Variants in POR observed in about 807,000 individuals in gnomAD.
The protein encoded by POR is NADPH--cytochrome P450 reductase.
POR carries 56 observed loss-of-function variants against 84.0 expected under a neutral mutation model. The observed-to-expected ratio is 0.67, with a 90% CI of 0.54 to 0.83. The LOEUF (loss-of-function observed/expected upper bound fraction) is 0.83. Among genes scored for constraint, POR ranks in the 40% least tolerant of loss-of-function variants. The pLI, the probability that POR is intolerant of heterozygous loss-of-function variation, is 0.00. For missense variants in POR, 938 were observed against 944.3 expected (o/e 0.99, Z 0.09); for synonymous variants, 414 against 400.5 (o/e 1.03, Z -0.40).
At chr7:75,977,759 C>G (rs782756430) in intron 3 of POR, among the ~76,000 whole-genome samples, 17 of 152,114 alleles carry the variant, frequency 1.1e-4, no homozygotes, top group Non-Finnish European at 2.1e-4. Flanking sequence ...ATCTGGGCGT[C>G]AGAGCGAGAC....
At position 75,980,466 on chromosome 7, in the gene POR, A is replaced by C. The variant is rs782085832; in HGVS notation, c.494A>C (p.Asp165Ala). The stretch of plus-strand genomic sequence containing the variant: ...GACTGGCTGCAGGAGACAGACGTGG[A>C]TCTCTCTGGGGTCAAGTTCGCGGTG... The change falls in exon 5 of 16, where the codon GAT becomes GCT. Residue 165 changes from aspartate to alanine, a missense_variant. Coordinates refer to ENST00000461988, the MANE Select transcript of POR (RefSeq NM_000941.3). 3.1e-6 allele frequency: 5 copies of C among 1,612,902 alleles called. No individual in the cohort carries two copies. In the Admixed American group the frequency reaches 8.3e-5, roughly 27 times the overall value.
intron 2 of POR, chr7:75,970,853 C>T (rs1554556014): frequency 6.6e-6 from 1 of 151,904 alleles, no homozygotes; most frequent in Admixed American, 6.6e-5. Context: ...CTTACATTCT[C>T]GATCAAAGTC....
intron 1 of POR, among the ~76,000 whole-genome samples, chr7:75,927,285 G>A (rs1220356757): frequency 6.6e-6 from 1 of 152,054 alleles, no homozygotes; most frequent in Non-Finnish European, 1.5e-5. Context: ...GTGGGCTAAT[G>A]GCTTGAGCCC....
Position 75,986,153 on chromosome 7 carries a change from C to A in POR, c.1816-6C>A. 6.2e-7 allele frequency: 1 copy of A among 1,608,014 alleles called. No homozygotes were observed. The highest frequency in any genetic ancestry group is 1.1e-5 in the South Asian group (1 of 90,290). ...GCCCCCCTCACAGCACCACCCTTGG[C>A]CCCAGGTCTACGTCCAGCACCTGCT... On this transcript the variant is annotated splice_polypyrimidine_tract_variant and splice_region_variant and intron_variant, in intron 14 of 15. Coordinates refer to ENST00000461988, the MANE Select transcript of POR (RefSeq NM_000941.3).
intron 2 of POR, among the ~76,000 whole-genome samples, chr7:75,957,354 G>A (rs1787732406): frequency 6.6e-6 from 1 of 152,244 alleles, no homozygotes; most frequent in South Asian, 2.1e-4. Flanking sequence ...AGCCCATCCT[G>A]TCCAGGGCTG....
At chr7:75,918,227 A>G (rs1357498836) in intron 1 of POR, among the ~76,000 whole-genome samples, 2 of 151,994 alleles carry the variant, frequency 1.3e-5, no homozygotes, top group Admixed American at 1.3e-4. Context: ...AATCACTTGA[A>G]CCTGGGAAGC....
chr7:75,975,512 C>T (rs1788641819), intron 3 of POR, among the ~76,000 whole-genome samples: 1 of 152,080 alleles, frequency 6.6e-6, no homozygotes, highest in African/African-American at 2.4e-5. Flanking sequence ...CAGTGGTGCG[C>T]ACCTATAGTC....
intron 1 of POR, chr7:75,923,208 G>T: frequency 8.9e-7 from 1 of 1,122,860 alleles, no homozygotes; most frequent in South Asian, 1.2e-5. Context: ...CCATCCCTCT[G>T]ACAACACAGT....
intron 3 of POR, 21 bp from the exon 4 acceptor site, chr7:75,979,430 C>T (rs781823486): frequency 1.2e-6 from 2 of 1,610,848 alleles, no homozygotes; most frequent in African/African-American, 2.7e-5. Flanking sequence ...CCCTCACCAA[C>T]CCTGTGTCTG....
intron 2 of POR, among the ~76,000 whole-genome samples, chr7:75,967,051 C>A (rs1788214644): frequency 1.3e-5 from 2 of 152,104 alleles, no homozygotes; most frequent in South Asian, 4.1e-4. Flanking sequence ...CTCACTGCAA[C>A]CTTCACCTCA....
chr7:75,938,590 T>G (rs937350153), intron 1 of POR, among the ~76,000 whole-genome samples: 5 of 152,104 alleles, frequency 3.3e-5, no homozygotes, highest in Non-Finnish European at 5.9e-5. Flanking sequence ...AGACCCCATC[T>G]CTACAAAAAA....
At position 75,986,372 on chromosome 7, in the gene POR, CCTT is replaced by C. The variant is rs781890088; in HGVS notation, c.1937_1939del (p.Phe646del). On this transcript the variant is annotated inframe_deletion, in exon 16 of 16. Coordinates refer to ENST00000461988, the MANE Select transcript of POR (RefSeq NM_000941.3). ...AACATGGCCAGGGATGTGCAGAACA[CCTT>C]CTACGACATCGTGGCTGAGCTCGGG... is the stretch of plus-strand genomic sequence containing the variant. The C allele has an allele frequency of 1.9e-6, 3 of 1,612,598 alleles. No individual in the cohort carries two copies. Among genetic ancestry groups the C allele is most frequent in the Admixed American group, 1.7e-5 (1 of 60,020 alleles).
At chr7:75,969,270 C>T (rs1348278676) in intron 2 of POR, among the ~76,000 whole-genome samples, 1 of 152,224 alleles carries the variant, frequency 6.6e-6, no homozygotes, top group Non-Finnish European at 1.5e-5. Context: ...GCTGCAATAA[C>T]CAGATGCAGC....
chr7:75,979,640 T>C lies in POR; in HGVS notation c.366+61T>C, dbSNP rs1554557354. The C allele has an allele frequency of 3.1e-6, 5 of 1,589,984 alleles. No individual in the cohort carries two copies. In the African/African-American group the frequency reaches 6.7e-5, roughly 21 times the overall value. On this transcript the variant is annotated intron_variant, in intron 4 of 15. Transcript: ENST00000461988. ...CAGTGGGTAGGACAGGGAGCAGGTC[T>C]GTAGGGCGCCCCTCAGCAGGGGGAG...
At chr7:75,978,024 G>A (rs1362504161) in intron 3 of POR, among the ~76,000 whole-genome samples, 6 of 152,168 alleles carry the variant, frequency 3.9e-5, no homozygotes, top group African/African-American at 7.2e-5. Context: ...GTGGACTGAC[G>A]AGTATGTGAG....
chr7:75,934,122 A>AGTGT (rs58236447), intron 1 of POR, among the ~76,000 whole-genome samples: 3,087 of 126,788 alleles, frequency 0.024, 32 homozygotes, highest in Middle Eastern at 0.036. Flanking sequence ...AAGACCTCAG[A>AGTGT]GTGTGTGTGT....
chr7:75,933,149 T>C (rs1554550345), intron 1 of POR, among the ~76,000 whole-genome samples: 1 of 152,152 alleles, frequency 6.6e-6, no homozygotes, highest in Non-Finnish European at 1.5e-5. Flanking sequence ...GCACATTTTC[T>C]TCACTAAACA....
chr7:75,942,537 T>C lies in POR; in HGVS notation c.-4-11452T>C, dbSNP rs545139227. Among the ~76,000 whole-genome samples, 3 of 151,220 alleles carry C rather than the reference T, an allele frequency of 2.0e-5. No homozygotes were observed. The South Asian group carries it at 6.3e-4, about 32-fold the overall frequency. On this transcript the variant is annotated intron_variant, in intron 1 of 15. Coordinates refer to ENST00000461988, the MANE Select transcript of POR (RefSeq NM_000941.3). ...CAGATCAGCCACTTCCAATTGAAGG[T>C]TAGATGAGAGCTGCTCAATTGTACA...
intron 1 of POR, among the ~76,000 whole-genome samples, chr7:75,935,145 G>A (rs1554550634): frequency 2.0e-5 from 3 of 152,156 alleles, no homozygotes; most frequent in Non-Finnish European, 4.4e-5. Context: ...AGCTGCCCAG[G>A]ACCTTGGGAG....
Sources: allele counts gnomAD v4.1 joint callset (sites outside exome capture counted in the v4.1 genomes callset), GRCh38; gene constraint gnomAD v4.1.1; transcripts MANE v1.5; gene names NCBI Gene and HGNC (gene_info 2026-07-23, HGNC 2026-07-21).